Variants in SNX24 observed in about 807,000 individuals in gnomAD.
SNX24 encodes sorting nexin 24.
SNX24 carries 22 observed loss-of-function variants against 28.7 expected under a neutral mutation model. The observed-to-expected ratio is 0.77, with a 90% CI of 0.55 to 1.10. SNX24 has a LOEUF of 1.10. Ranked by LOEUF, SNX24 falls within the 50% of genes least tolerant of loss-of-function variation. SNX24 has a pLI of 0.00. For synonymous variants in SNX24, 69 were observed against 71.5 expected, an observed-to-expected ratio of 0.96 and a Z score of 0.18; for missense variants, 221 against 201.1, an observed-to-expected ratio of 1.10 and a Z score of -0.60.
intron 3 of SNX24, among the ~76,000 whole-genome samples, chr5:122,986,415 A>G (rs1356773905): frequency 6.6e-6 from 1 of 152,184 alleles, no homozygotes; most frequent in Non-Finnish European, 1.5e-5. Context: ...TTTTGAGTTC[A>G]GATAGAAAAG....
intron 1 of SNX24, among the ~76,000 whole-genome samples, chr5:122,872,254 G>T (rs1261314702): frequency 6.6e-6 from 1 of 151,664 alleles, no homozygotes; most frequent in Non-Finnish European, 1.5e-5. Flanking sequence ...TAGTGTCCCA[G>T]CCACTTCATA....
intron 1 of SNX24, among the ~76,000 whole-genome samples, chr5:122,905,191 G>T (rs1260593755): frequency 1.3e-5 from 2 of 152,184 alleles, no homozygotes; most frequent in East Asian, 1.9e-4. Context: ...GGTAGGTAAG[G>T]ATCCTGATTC....
chr5:122,890,518 G>A (rs1339041668), intron 1 of SNX24, among the ~76,000 whole-genome samples: 2 of 146,848 alleles, frequency 1.4e-5, no homozygotes, highest in African/African-American at 2.5e-5. Flanking sequence ...GGCCCAGGCT[G>A]GAATGCAGTG....
intron 3 of SNX24, among the ~76,000 whole-genome samples, chr5:122,968,135 C>T (rs1350938364): frequency 6.6e-6 from 1 of 152,158 alleles, no homozygotes; most frequent in Non-Finnish European, 1.5e-5. Context: ...AGGCAGATCA[C>T]CTGAGGTCAG....
chr5:122,908,396 C>G (rs191145417), intron 1 of SNX24, among the ~76,000 whole-genome samples: 2 of 152,150 alleles, frequency 1.3e-5, no homozygotes, highest in African/African-American at 4.8e-5. Context: ...CAGCTGACAT[C>G]TCCTTGGGGT....
intron 2 of SNX24, among the ~76,000 whole-genome samples, chr5:122,943,429 A>G (rs1218032555): frequency 6.6e-6 from 1 of 151,956 alleles, no homozygotes; most frequent in East Asian, 1.9e-4. Context: ...CAGCCTGATC[A>G]TGCCTGTCCT....
chr5:122,952,312 T>C (rs907413417), intron 3 of SNX24, among the ~76,000 whole-genome samples: 2 of 152,238 alleles, frequency 1.3e-5, no homozygotes, highest in African/African-American at 2.4e-5. Flanking sequence ...TGTGACCAGA[T>C]GAATTTTTTA....
intron 1 of SNX24, among the ~76,000 whole-genome samples, chr5:122,892,687 C>G (rs186507066): frequency 6.6e-6 from 1 of 152,160 alleles, no homozygotes; most frequent in Non-Finnish European, 1.5e-5. Context: ...ATCTGTCTGC[C>G]TCGGCCTCCC....
chr5:122,970,576 C>A (rs1023504300), intron 3 of SNX24, among the ~76,000 whole-genome samples: 2 of 152,182 alleles, frequency 1.3e-5, no homozygotes, highest in Non-Finnish European at 2.9e-5. Context: ...TCACGCCATT[C>A]TCCTGCCTCA....
At chr5:122,889,034 G>T (rs1756836084) in intron 1 of SNX24, among the ~76,000 whole-genome samples, 1 of 152,030 alleles carries the variant, frequency 6.6e-6, no homozygotes, top group African/African-American at 2.4e-5. Context: ...TGTATTTTTG[G>T]TAGAGATGGG....
At chr5:122,916,259 T>G (rs1758159145) in intron 1 of SNX24, among the ~76,000 whole-genome samples, 1 of 152,194 alleles carries the variant, frequency 6.6e-6, no homozygotes, top group Non-Finnish European at 1.5e-5. Context: ...ACTTCTTCAT[T>G]CTGATTGCAT....
chr5:122,923,723 G>C (rs75860083), intron 1 of SNX24, among the ~76,000 whole-genome samples: 1 of 152,136 alleles, frequency 6.6e-6, no homozygotes, highest in Non-Finnish European at 1.5e-5. Flanking sequence ...CATAATTTCA[G>C]CCTTGAAAGA....
intron 6 of SNX24, among the ~76,000 whole-genome samples, chr5:123,005,131 G>A (rs1274521236): frequency 2.0e-5 from 3 of 152,210 alleles, no homozygotes; most frequent in African/African-American, 7.2e-5. Context: ...CTAGTTGGTG[G>A]ACCTTGCTTT....
At chr5:122,909,444 T>G (rs185735633) in intron 1 of SNX24, among the ~76,000 whole-genome samples, 1 of 152,332 alleles carries the variant, frequency 6.6e-6, no homozygotes, top group East Asian at 1.9e-4. Flanking sequence ...GTAGCCAGTA[T>G]GTGGGAAAGC....
chr5:122,991,145 C>G (rs1468421672), intron 3 of SNX24, among the ~76,000 whole-genome samples: 1 of 152,122 alleles, frequency 6.6e-6, no homozygotes, highest in African/African-American at 2.4e-5. Context: ...GATCCACCCA[C>G]TGCAGCCTCC....
At chr5:122,868,866 A>G (rs2150049738) in intron 1 of SNX24, among the ~76,000 whole-genome samples, 1 of 152,338 alleles carries the variant, frequency 6.6e-6, no homozygotes, top group South Asian at 2.1e-4. Context: ...CTGGGCACCC[A>G]ATGGCTCAGT....
rs1360742605 is a variant in SNX24 at position 122,890,527 on chromosome 5, T to C, written c.60+44834T>C. On this transcript the variant is annotated intron_variant, in intron 1 of 6. Coordinates refer to ENST00000261369, the MANE Select transcript of SNX24 (RefSeq NM_014035.4). ...CTCTGTGGCCCAGGCTGGAATGCAG[T>C]GGTGCTATCTCAGCTCACTACAACC... Among the ~76,000 whole-genome samples the C allele has an allele frequency of 2.0e-5, 3 of 148,760 alleles. No homozygotes were observed. In the South Asian group the frequency reaches 6.4e-4, roughly 32 times the overall value.
intron 5 of SNX24, chr5:123,022,516 C>T (rs1174563972): frequency 6.6e-6 from 1 of 150,770 alleles, no homozygotes; most frequent in Non-Finnish European, 1.5e-5. Context: ...GTTGCCCAGA[C>T]TGGAGTGCAG....
intron 3 of SNX24, among the ~76,000 whole-genome samples, chr5:122,997,321 A>G (rs1162426512): frequency 6.6e-6 from 1 of 152,210 alleles, no homozygotes; most frequent in Non-Finnish European, 1.5e-5. Context: ...TATGGAAAAT[A>G]TTATTTGAGA....
Sources: allele counts gnomAD v4.1 joint callset (sites outside exome capture counted in the v4.1 genomes callset), GRCh38; gene constraint gnomAD v4.1.1; transcripts MANE v1.5; gene names NCBI Gene and HGNC (gene_info 2026-07-23, HGNC 2026-07-21).